The following YLPM1 variants were observed in gnomAD, a reference collection of about 807,000 sequenced individuals.
YLPM1 encodes the protein YLP motif-containing protein 1.
Under a neutral mutation model 230.0 loss-of-function variants are expected in YLPM1, and 99 were observed. The ratio of observed to expected loss-of-function variants is 0.43; its 90% CI spans 0.37 to 0.51. The LOEUF is 0.51. Among genes scored for constraint, YLPM1 ranks in the 20% least tolerant of loss-of-function variants. YLPM1 has a pLI of 0.00. For missense variants in YLPM1, 2,592 were observed against 2,707.7 expected, an observed-to-expected ratio of 0.96 and a Z score of 0.95; for synonymous variants, 984 against 942.5, an observed-to-expected ratio of 1.04 and a Z score of -0.81.
At chr14:74,767,644 A>G (rs2140067299) in intron 1 of YLPM1, among the ~76,000 whole-genome samples, 1 of 152,298 alleles carries the variant, frequency 6.6e-6, no homozygotes, top group Non-Finnish European at 1.5e-5. Context: ...TGGAGACAAA[A>G]TTACCCTCTG....
chr14:74,796,195 A>G (rs970901534), intron 4 of YLPM1, among the ~76,000 whole-genome samples: 8 of 152,190 alleles, frequency 5.3e-5, no homozygotes, highest in African/African-American at 1.9e-4. Flanking sequence ...AGGCATACAC[A>G]ATCTTCTGGA....
chr14:74,818,282 C>T lies in YLPM1; in HGVS notation c.5998C>T (p.Arg2000Cys), dbSNP rs760491533. 3.1e-6 allele frequency: 5 copies of T among 1,605,108 alleles called. No homozygotes were observed. Among genetic ancestry groups the T allele is most frequent in the Non-Finnish European group, 4.3e-6 (5 of 1,176,014 alleles). The change falls in exon 16 of 21, where the codon CGT becomes TGT. Residue 2000 changes from arginine (R) to cysteine (C), a missense_variant. Physicochemically the swap from Arg to Cys is radical, Grantham distance 180. Around this residue, in one of 4 missense-constraint regions of YLPM1, gnomAD observed 315 missense variants for 429.3 expected, o/e 0.73. Transcript: ENST00000325680. ...APRHMMRLDI[R>C]SLLQDAAIEE... ...TCGTCACATGATGCGTCTAGATATT[C>T]GTTCTTTGCTGCAAGATGCTGCTAT... is the stretch of plus-strand genomic sequence containing the variant.
chr14:74,821,024 A>G, intron 16 of YLPM1, 33 bp from the exon 17 acceptor site: 1 of 1,424,224 alleles, frequency 7.0e-7, no homozygotes, highest in Non-Finnish European at 9.2e-7. Context: ...ATGTTAACTC[A>G]GTCTTTTTTT....
At position 74,770,321 on chromosome 14, in the gene YLPM1, T is replaced by TA. The variant is rs774234106; in HGVS notation, c.873+5973dup. On this transcript the variant is annotated intron_variant, in intron 1 of 20. Coordinates refer to ENST00000325680, the MANE Select transcript of YLPM1 (RefSeq NM_019589.3). ...CTAGCCTGGGCAACAGAGTGAGACC[T>TA]AAAAAAAAAAAAAATGAGTAGGCCA... is the stretch of plus-strand genomic sequence containing the variant. Among the ~76,000 whole-genome samples the TA allele has an allele frequency of 4.5e-3, 573 of 126,982 alleles. 4 individuals are homozygous for TA. The highest frequency in any genetic ancestry group is 0.014 in the Middle Eastern group (3 of 214). The allele number at this position is 126,982 out of a possible 152,430, so 83.3% of individuals were successfully genotyped here. A position where few individuals can be genotyped will look rare whatever the true frequency, so the allele number is the denominator to read the frequency against.
intron 1 of YLPM1, among the ~76,000 whole-genome samples, chr14:74,766,152 A>T (rs1257269669): frequency 6.6e-6 from 1 of 152,168 alleles, no homozygotes; most frequent in Non-Finnish European, 1.5e-5. Context: ...CGTAGCACCT[A>T]GGACAGTGCC....
At chr14:74,824,569 C>T (rs1022733911) in intron 18 of YLPM1, among the ~76,000 whole-genome samples, 6 of 152,072 alleles carry the variant, frequency 3.9e-5, no homozygotes, top group African/African-American at 4.8e-5. Flanking sequence ...AATATTGTCA[C>T]TTATAAAATC....
At chr14:74,792,633 A>G (rs139698307) in intron 4 of YLPM1, among the ~76,000 whole-genome samples, 1 of 152,360 alleles carries the variant, frequency 6.6e-6, no homozygotes, top group Non-Finnish European at 1.5e-5. Flanking sequence ...CGCCATCTTC[A>G]TAGCACTAAA....
Position 74,806,589 on chromosome 14 carries a change from A to AT in YLPM1, c.4522-2791_4522-2790insT, listed in dbSNP as rs2091380686. Among the ~76,000 whole-genome samples the AT allele has an allele frequency of 2.6e-5, 4 of 152,360 alleles. No individual in the cohort carries two copies. The South Asian group carries it at 6.2e-4, about 24-fold the overall frequency. On this transcript the variant is annotated intron_variant, in intron 6 of 20. Transcript: ENST00000325680. ...CAAGAGTGAGACTCTGTCTCAAAAA[A>AT]ATATATAAATAAATAAATGAAAAAA...
chr14:74,786,523 A>G (rs1398297374), intron 4 of YLPM1, among the ~76,000 whole-genome samples: 3 of 152,186 alleles, frequency 2.0e-5, no homozygotes, highest in Non-Finnish European at 4.4e-5. Context: ...CTATTTTTGA[A>G]CTTCATGTGA....
In YLPM1 at chr14:74,793,656, T is replaced by A. The variant is rs553974398; in HGVS notation, c.2283-3924T>A. Among the ~76,000 whole-genome samples the A allele has an allele frequency of 5.3e-5, 8 of 152,334 alleles. No individual in the cohort carries two copies. The South Asian group carries it at 1.7e-3, about 32-fold the overall frequency. The stretch of plus-strand genomic sequence containing the variant: ...TATCTAGCAATCCTTGGCTGTGCAT[T>A]TATGTTTAAGCATGGAAGACACTGA... On this transcript the variant is annotated intron_variant, in intron 4 of 20. Coordinates refer to ENST00000325680, the MANE Select transcript of YLPM1 (RefSeq NM_019589.3).
Position 74,799,035 on chromosome 14 carries a change from C to T in YLPM1, c.3738C>T (p.Asp1246=), listed in dbSNP as rs758305123. 11 of 1,613,810 alleles carry T rather than the reference C, an allele frequency of 6.8e-6. No individual in the cohort carries two copies. Among genetic ancestry groups the T allele is most frequent in the Non-Finnish European group, 9.3e-6 (11 of 1,179,876 alleles). ...DDTLELYNRE[D]RFSAPPSRSH... ...CACTAGAGCTCTATAACAGAGAGGACAGGTTCTCAGCACCACCATCTCGGT... is the reference window on the plus strand; with the variant it reads ...CACTAGAGCTCTATAACAGAGAGGATAGGTTCTCAGCACCACCATCTCGGT... The change falls in exon 5 of 21, where the codon GAC becomes GAT. Residue 1246 remains aspartate, a synonymous_variant. Coordinates refer to ENST00000325680, the MANE Select transcript of YLPM1 (RefSeq NM_019589.3).
intron 4 of YLPM1, among the ~76,000 whole-genome samples, chr14:74,782,998 A>AT (rs1416697808): frequency 1.3e-5 from 2 of 152,090 alleles, no homozygotes; most frequent in Non-Finnish European, 2.9e-5. Flanking sequence ...TGTTAAATTC[A>AT]TTTTTTCCAA....
chr14:74,818,423 AGAACAC>A, intron 16 of YLPM1, 109 bp downstream of exon 16: 1 of 809,920 alleles, frequency 1.2e-6, no homozygotes, highest in Non-Finnish European at 1.8e-6. Context: ...TATTCATACA[AGAACAC>A]CTACTGATAT....
At position 74,811,660 on chromosome 14, in the gene YLPM1, A is replaced by G; in HGVS notation, c.5269A>G (p.Arg1757Gly). The G allele has an allele frequency of 1.1e-5, 17 of 1,612,856 alleles. No individual in the cohort carries two copies. Among genetic ancestry groups the G allele is most frequent in the Non-Finnish European group, 1.4e-5 (17 of 1,179,546 alleles). Residue 1757 changes from arginine (R) to glycine (G), a missense_variant, in exon 10 of 21, where the codon AGA becomes GGA. Physicochemically the swap from Arg to Gly is moderately radical, Grantham distance 125 (BLOSUM62 -2). This residue lies in a region of YLPM1 where 403 missense variants were observed against 426.7 expected (regional missense o/e 0.94). Transcript: ENST00000325680. ...YRDKKDHSSS[R>G]RGGFDRPSYD... ...AGACAAAAAAGACCATTCCTCATCC[A>G]GAAGAGGGGGTTTTGATAGGCCATC...
chr14:74,810,127 T>C, intron 8 of YLPM1, 98 bp from the exon 9 acceptor site: 1 of 1,488,140 alleles, frequency 6.7e-7, no homozygotes, highest in Non-Finnish European at 9.0e-7. Flanking sequence ...GTTGAATTTA[T>C]GGCAAAAATT....
chr14:74,797,005 CTT>C (rs1263838325), intron 4 of YLPM1, among the ~76,000 whole-genome samples: 1 of 126,988 alleles, frequency 7.9e-6, no homozygotes, highest in African/African-American at 3.0e-5. Flanking sequence ...GAGTCTCACT[CTT>C]GTCACCCAGT....
chr14:74,833,527 A>G (rs1017027694), intron 19 of YLPM1, among the ~76,000 whole-genome samples: 2 of 152,210 alleles, frequency 1.3e-5, no homozygotes, highest in Admixed American at 6.5e-5. Context: ...TGCTGGAGTT[A>G]TAGGTGTAAG....
rs370028676 is a variant in YLPM1 at position 74,798,252 on chromosome 14, G to T, written c.2955G>T (p.Val985=). The T allele has an allele frequency of 6.2e-7, 1 of 1,613,786 alleles. No individual in the cohort carries two copies. The highest frequency in any genetic ancestry group is 8.5e-7 in the Non-Finnish European group (1 of 1,179,890). ...CAGCAGATAATGATTTTAAACCTGT[G>T]GGTATTGGTCTACCCCATTCAGAAA... The part of the protein sequence containing the change: ...SLTADNDFKP[V]GIGLPHSENN... Residue 985 remains valine, a synonymous_variant, in exon 5 of 21, where the codon GTG becomes GTT. Transcript: ENST00000325680.
intron 1 of YLPM1, among the ~76,000 whole-genome samples, chr14:74,771,898 A>T (rs2090980346): frequency 6.6e-6 from 1 of 152,226 alleles, no homozygotes; most frequent in Non-Finnish European, 1.5e-5. Flanking sequence ...GGTGACCCTG[A>T]TTCTTACAGT....
Sources: gnomAD v4.1 joint callset for allele counts (sites outside exome capture counted in the v4.1 genomes callset) on GRCh38, gnomAD v4.1.1 for gene constraint, gnomAD v4.1.1 regional missense constraint, MANE v1.5 for transcripts, NCBI Gene and HGNC (gene_info 2026-07-23, HGNC 2026-07-21) for gene names.